The following SIRT1 variants were observed in gnomAD, a reference collection of about 807,000 sequenced individuals.
The protein encoded by SIRT1 is sirtuin 1.
A neutral mutation model predicts 67.9 loss-of-function variants in SIRT1; 24 were observed. That is an observed-to-expected ratio of 0.35 (90% CI 0.26 to 0.50). The LOEUF is 0.50. Ranked by LOEUF, SIRT1 falls within the 20% of genes least tolerant of loss-of-function variation. The pLI is 0.98. For missense variants in SIRT1, 873 were observed against 937.2 expected, an observed-to-expected ratio of 0.93 and a Z score of 0.89; for synonymous variants, 378 against 350.7, an observed-to-expected ratio of 1.08 and a Z score of -0.87.
intron 4 of SIRT1, among the ~76,000 whole-genome samples, chr10:67,892,791 A>G (rs1205348730): frequency 1.3e-5 from 2 of 152,004 alleles, no homozygotes; most frequent in African/African-American, 2.4e-5. Flanking sequence ...TAGTAGAGAC[A>G]GGGTTTCACC....
chr10:67,890,251 T>G (rs556821348), intron 3 of SIRT1, among the ~76,000 whole-genome samples: 1 of 152,184 alleles, frequency 6.6e-6, no homozygotes, highest in Non-Finnish European at 1.5e-5. Context: ...AGATGGGGTT[T>G]CACCATATTG....
chr10:67,893,880 C>T (rs1020789241), intron 4 of SIRT1, among the ~76,000 whole-genome samples: 1 of 152,170 alleles, frequency 6.6e-6, no homozygotes, highest in Non-Finnish European at 1.5e-5. Context: ...AAACAGTGGC[C>T]TTATCTACTT....
intron 1 of SIRT1, 161 bp downstream of exon 1, chr10:67,885,312 G>A: frequency 8.1e-7 from 1 of 1,241,504 alleles, no homozygotes; most frequent in Non-Finnish European, 1.0e-6. Context: ...CGGGGCTGCG[G>A]TTCCTACTGC....
intron 4 of SIRT1, among the ~76,000 whole-genome samples, chr10:67,901,761 G>A (rs1842748479): frequency 6.6e-6 from 1 of 152,206 alleles, no homozygotes; most frequent in South Asian, 2.1e-4. Context: ...CAGTCCAAAT[G>A]TGGCCCACTC....
chr10:67,899,312 A>AG (rs1476261536), intron 4 of SIRT1, among the ~76,000 whole-genome samples: 1 of 151,238 alleles, frequency 6.6e-6, no homozygotes, highest in African/African-American at 2.4e-5. Context: ...CATTAAAAAA[A>AG]AAGTTATATA....
chr10:67,907,016 C>A, intron 5 of SIRT1, 79 bp downstream of exon 5: 1 of 1,216,392 alleles, frequency 8.2e-7, no homozygotes, highest in Non-Finnish European at 1.1e-6. Context: ...TGACTGCCAT[C>A]GAGAAGTGGA....
At chr10:67,893,541 C>G (rs1842606250) in intron 4 of SIRT1, among the ~76,000 whole-genome samples, 1 of 131,486 alleles carries the variant, frequency 7.6e-6, no homozygotes, top group Admixed American at 7.8e-5. Flanking sequence ...ATGAACCTAG[C>G]TTTTTTTTTT....
At chr10:67,907,323 C>CTAG (rs1842834293) in intron 5 of SIRT1, among the ~76,000 whole-genome samples, 1 of 151,712 alleles carries the variant, frequency 6.6e-6, no homozygotes, top group Non-Finnish European at 1.5e-5. Context: ...GGTGAAATCC[C>CTAG]AACTCTACTA....
chr10:67,885,815 T>A (rs1181646806), intron 1 of SIRT1, among the ~76,000 whole-genome samples: 1 of 152,198 alleles, frequency 6.6e-6, no homozygotes, highest in Non-Finnish European at 1.5e-5. Flanking sequence ...CTAATCTTGC[T>A]CTTGTGCGGT....
At chr10:67,899,759 A>C (rs1355107321) in intron 4 of SIRT1, among the ~76,000 whole-genome samples, 1 of 151,998 alleles carries the variant, frequency 6.6e-6, no homozygotes, top group South Asian at 2.1e-4. Context: ...TTTTTGATCT[A>C]GGGTTGTTTT....
chr10:67,886,869 T>C (rs1014956082), intron 1 of SIRT1, among the ~76,000 whole-genome samples: 4 of 151,854 alleles, frequency 2.6e-5, no homozygotes, highest in African/African-American at 9.7e-5. Context: ...CTTTTTTTTT[T>C]TCCTTTTCTT....
Position 67,884,761 on chromosome 10 carries a change from T to C in SIRT1, c.40T>C (p.Ser14Pro), listed in dbSNP as rs201230502. 3.0e-3 allele frequency: 3,633 copies of C among 1,225,138 alleles called. 11 individuals are homozygous for C. The highest frequency in any genetic ancestry group is 3.3e-3 in the Non-Finnish European group (3,293 of 984,042). The allele number at this position is 1,225,138 out of a possible 1,614,324, so 75.9% of individuals were successfully genotyped here. The change falls in exon 1 of 9, where the codon TCC becomes CCC. Residue 14 changes from serine (S) to proline (P), a missense_variant. Transcript: ENST00000212015. ...GGCCCTCGCCCTTCAGCCCGGCGGC[T>C]CCCCCTCGGCGGCGGGGGCCGACAG... is the stretch of plus-strand genomic sequence containing the variant. Reference protein sequence around the residue: ...EAALALQPGGSPSAAGADREA... With the variant: ...EAALALQPGGPPSAAGADREA...
Position 67,891,557 on chromosome 10 carries a change from A to G in SIRT1, c.942+3A>G. The G allele has an allele frequency of 6.2e-7, 1 of 1,613,828 alleles. No homozygotes were observed. The highest frequency in any genetic ancestry group is 8.5e-7 in the Non-Finnish European group (1 of 1,179,866). On this transcript the variant is annotated splice_donor_region_variant and intron_variant, in intron 4 of 8. Transcript: ENST00000212015. ...GACCATTCTTCAAGTTTGCAAAGGT[A>G]CTATGAACTCTTCTGGTTGTTTCTT...
rs41274092 is a variant in SIRT1, at chr10:67,906,900, A to G, written c.1053A>G (p.Glu351=). The part of the protein sequence containing the change: ...RNYTQNIDTL[E]QVAGIQRIIQ... ...ATACCCAGAACATAGACACGCTGGAACAGGTTGCGGGAATCCAAAGGATAA... is the reference window on the plus strand; with the variant it reads ...ATACCCAGAACATAGACACGCTGGAGCAGGTTGCGGGAATCCAAAGGATAA... The change falls in exon 5 of 9, where the codon GAA becomes GAG. Residue 351 remains glutamate, a synonymous_variant. Coordinates refer to ENST00000212015, the MANE Select transcript of SIRT1 (RefSeq NM_012238.5). 110 of 1,610,898 alleles carry G rather than the reference A, an allele frequency of 6.8e-5. 1 individual carries two copies. Among genetic ancestry groups the G allele is most frequent in the Non-Finnish European group, 4.4e-5 (52 of 1,178,854 alleles).
intron 2 of SIRT1, 92 bp from the exon 3 acceptor site, chr10:67,888,790 C>A: frequency 4.3e-6 from 6 of 1,403,198 alleles, no homozygotes; most frequent in Admixed American, 2.3e-5. Context: ...TGCAAAAAAC[C>A]CTCACAGAAT....
intron 4 of SIRT1, among the ~76,000 whole-genome samples, chr10:67,893,871 A>T (rs1213390987): frequency 6.6e-6 from 1 of 152,156 alleles, no homozygotes; most frequent in East Asian, 1.9e-4. Context: ...ATTTTAACTA[A>T]ACAGTGGCCT....
At position 67,887,332 on chromosome 10, in the gene SIRT1, G is replaced by T. The variant is rs942392855; in HGVS notation, c.431-85G>T. 4 of 832,998 alleles carry T rather than the reference G, an allele frequency of 4.8e-6. No homozygotes were observed. In the East Asian group the frequency reaches 7.6e-5, roughly 16 times the overall value. The allele number at this position is 832,998 out of a possible 1,614,324, so 51.6% of individuals were successfully genotyped here. ...CGTGTAAATGTTAAATGCTGTACTC[G>T]ATGAAAATGATTGCTCTATAACCGT... On this transcript the variant is annotated intron_variant, in intron 1 of 8. Transcript: ENST00000212015.
intron 1 of SIRT1, among the ~76,000 whole-genome samples, chr10:67,886,574 A>AG (rs1842484781): frequency 6.6e-6 from 1 of 151,246 alleles, no homozygotes; most frequent in African/African-American, 2.4e-5. Flanking sequence ...AAAAAAAAAA[A>AG]AGTAATATGT....
Position 67,917,959 on chromosome 10 carries a change from T to C in SIRT1, c.*1366T>C, listed in dbSNP as rs558060918. ...AAAGTATTCCTCTGTTGCTTTAGTA[T>C]TTATTACAATAAAAAGGGTTTGAAA... On this transcript the variant is annotated 3_prime_UTR_variant, in exon 9 of 9. Transcript: ENST00000212015. The C allele has an allele frequency of 3.3e-5, 5 of 152,630 alleles. No homozygotes were observed. Among genetic ancestry groups the C allele is most frequent in the Admixed American group, 3.3e-4 (5 of 15,288 alleles). 9.5% of individuals were successfully genotyped at this position (152,630 alleles called of 1,614,324 possible).
Sources: allele counts gnomAD v4.1 joint callset (sites outside exome capture counted in the v4.1 genomes callset), GRCh38; gene constraint gnomAD v4.1.1; transcripts MANE v1.5; gene names NCBI Gene and HGNC (gene_info 2026-07-23, HGNC 2026-07-21).